The following WDR72 variants were observed in gnomAD, a reference collection of about 807,000 sequenced individuals.
WDR72 encodes WD repeat-containing protein 72.
WDR72 carries 120 observed loss-of-function variants against 124.2 expected under a neutral mutation model. The ratio of observed to expected loss-of-function variants is 0.97; its 90% CI spans 0.83 to 1.12. The LOEUF (loss-of-function observed/expected upper bound fraction) is 1.12. Ranked by LOEUF, WDR72 falls within the 50% of genes most tolerant of loss-of-function variation. The pLI, the probability that WDR72 is intolerant of heterozygous loss-of-function variation, is 0.00. For synonymous variants in WDR72, 452 were observed against 441.7 expected (o/e 1.02, Z -0.29); for missense variants, 1,387 against 1,278.8 (o/e 1.08, Z -1.29).
chr15:53,558,164 T>C (rs1345861800), intron 18 of WDR72, among the ~76,000 whole-genome samples: 2 of 152,066 alleles, frequency 1.3e-5, no homozygotes, highest in Admixed American at 6.6e-5. Context: ...GCTCATTCTA[T>C]AGTAGGAATT....
At chr15:53,669,015 GAAAAGAA>G (rs2015894374) in intron 13 of WDR72, among the ~76,000 whole-genome samples, 2 of 133,248 alleles carry the variant, frequency 1.5e-5, no homozygotes, top group African/African-American at 5.2e-5. Context: ...AGGAGAAGGA[GAAAAGAA>G]GAAGGGAGGA....
intron 13 of WDR72, among the ~76,000 whole-genome samples, chr15:53,698,340 C>T (rs1226921046): frequency 1.3e-5 from 2 of 152,126 alleles, no homozygotes; most frequent in African/African-American, 4.8e-5. Context: ...GTGTTCACAA[C>T]TGAAAATGCA....
At chr15:53,530,789 T>G (rs1403530614) in intron 18 of WDR72, among the ~76,000 whole-genome samples, 7 of 152,072 alleles carry the variant, frequency 4.6e-5, no homozygotes, top group Non-Finnish European at 7.4e-5. Flanking sequence ...CAGGGCAATT[T>G]AAACCAAGGA....
chr15:53,575,939 C>T (rs1221133116), intron 18 of WDR72, among the ~76,000 whole-genome samples: 1 of 152,076 alleles, frequency 6.6e-6, no homozygotes, highest in Non-Finnish European at 1.5e-5. Context: ...TCACTGGAGC[C>T]CACTGAGACC....
chr15:53,585,314 C>G (rs2012144264), intron 18 of WDR72, among the ~76,000 whole-genome samples: 1 of 151,888 alleles, frequency 6.6e-6, no homozygotes, highest in African/African-American at 2.4e-5. Context: ...GGGGAAATGC[C>G]AGATGCTTAC....
At chr15:53,726,236 GTA>G (rs1271304841) in intron 2 of WDR72, among the ~76,000 whole-genome samples, 4 of 125,260 alleles carry the variant, frequency 3.2e-5, no homozygotes, top group East Asian at 2.3e-4. Context: ...ATATATATAT[GTA>G]TGTGTGTATA....
intron 18 of WDR72, among the ~76,000 whole-genome samples, chr15:53,573,672 A>C (rs1566965980): frequency 6.6e-6 from 1 of 151,918 alleles, no homozygotes; most frequent in Non-Finnish European, 1.5e-5. Context: ...CAGCCTCCTG[A>C]GTAGTTGGGA....
rs1360274186 is a variant in WDR72 at position 53,728,436 on chromosome 15, A to G, written c.153+4561T>C. Among the ~76,000 whole-genome samples the G allele has an allele frequency of 2.6e-5, 4 of 152,330 alleles. No individual in the cohort carries two copies. The East Asian group carries it at 7.7e-4, about 29-fold the overall frequency. On this transcript the variant is annotated intron_variant, in intron 2 of 19. Coordinates refer to ENST00000360509, the MANE Select transcript of WDR72 (RefSeq NM_182758.4). ...TCAATGAACATCTACCGTATTCCAGACAAAAACACAATCACAGAGTAGTGT... is the reference window on the plus strand; with the variant it reads ...TCAATGAACATCTACCGTATTCCAGGCAAAAACACAATCACAGAGTAGTGT...
chr15:53,633,294 T>C (rs965628045), intron 14 of WDR72, among the ~76,000 whole-genome samples: 1 of 152,180 alleles, frequency 6.6e-6, no homozygotes, highest in Non-Finnish European at 1.5e-5. Context: ...TAACTCTCTC[T>C]TCTGCTTCAG....
At chr15:53,590,059 A>G (rs1304119967) in intron 18 of WDR72, among the ~76,000 whole-genome samples, 1 of 152,078 alleles carries the variant, frequency 6.6e-6, no homozygotes, top group Non-Finnish European at 1.5e-5. Context: ...AAAGTAGGTA[A>G]TGTATTCTAG....
At position 53,702,365 on chromosome 15, in the gene WDR72, A is replaced by G. The variant is rs1213404401; in HGVS notation, c.1349-11T>C. The G allele has an allele frequency of 6.3e-7, 1 of 1,588,912 alleles. No individual in the cohort carries two copies. The highest frequency in any genetic ancestry group is 2.2e-5 in the East Asian group (1 of 44,708). On this transcript the variant is annotated splice_polypyrimidine_tract_variant and intron_variant, in intron 11 of 19. Coordinates refer to ENST00000360509, the MANE Select transcript of WDR72 (RefSeq NM_182758.4). The stretch of plus-strand genomic sequence containing the variant: ...TATGAGGGGGAGAATCTGAAAAACA[A>G]TGAAACACCAAATAATACAGATGTT...
chr15:53,730,751 T>C (rs1896413694), intron 2 of WDR72, among the ~76,000 whole-genome samples: 2 of 152,156 alleles, frequency 1.3e-5, no homozygotes, highest in African/African-American at 2.4e-5. Flanking sequence ...CTCCTTTTTT[T>C]CTACCCCTAC....
In WDR72 at chr15:53,514,820, T is replaced by C. The variant is rs940807064; in HGVS notation, c.*2879A>G. 1.3e-5 allele frequency: 2 copies of C among 151,876 alleles called. No homozygotes were observed. Among genetic ancestry groups the C allele is most frequent in the African/African-American group, 4.8e-5 (2 of 41,346 alleles). 9.4% of individuals were successfully genotyped at this position (151,876 alleles called of 1,614,324 possible). On this transcript the variant is annotated 3_prime_UTR_variant, in exon 20 of 20. Transcript: ENST00000360509. ...AAGCTCTCCAACACAGGGGAGGGAA[T>C]GAGGCTCTGACAAGCACAGCAAGCA...
chr15:53,686,555 A>G (rs9920023), intron 13 of WDR72, among the ~76,000 whole-genome samples: 2,198 of 151,924 alleles, frequency 0.014, 46 homozygotes, highest in African/African-American at 0.051. Flanking sequence ...ACCCAGATTC[A>G]TAAAGCAAGT....
chr15:53,655,132 G>A (rs549560068), intron 14 of WDR72, among the ~76,000 whole-genome samples: 1 of 146,644 alleles, frequency 6.8e-6, no homozygotes, highest in Admixed American at 7.2e-5. Context: ...CCAGGAGACT[G>A]AGGCAGGAGA....
intron 1 of WDR72, among the ~76,000 whole-genome samples, chr15:53,747,167 C>A (rs1286498999): frequency 1.3e-5 from 2 of 152,144 alleles, no homozygotes; most frequent in East Asian, 3.9e-4. Context: ...AAGCCCTGTC[C>A]ACCCAAAATC....
At chr15:53,689,973 AC>A (rs1036928873) in intron 13 of WDR72, among the ~76,000 whole-genome samples, 4 of 149,192 alleles carry the variant, frequency 2.7e-5, no homozygotes, top group African/African-American at 7.4e-5. Context: ...AGAACAAAAA[AC>A]CAAACACCGC....
intron 2 of WDR72, among the ~76,000 whole-genome samples, chr15:53,731,950 T>C (rs1287679053): frequency 6.6e-6 from 1 of 152,210 alleles, no homozygotes; most frequent in African/African-American, 2.4e-5. Context: ...ATTACACAAC[T>C]ATTCTAGCCA....
chr15:53,759,941 A>AG (rs981829904), upstream of WDR72, among the ~76,000 whole-genome samples: 1 of 147,086 alleles, frequency 6.8e-6, no homozygotes, highest in African/African-American at 2.5e-5. Context: ...AGAATTAGTT[A>AG]GGGGGGGTTA....
Sources: gnomAD v4.1 joint callset for allele counts (sites outside exome capture counted in the v4.1 genomes callset) on GRCh38, gnomAD v4.1.1 for gene constraint, MANE v1.5 for transcripts, NCBI Gene and HGNC (gene_info 2026-07-23, HGNC 2026-07-21) for gene names.